The following PTPRD variants were observed in gnomAD, a reference collection of about 807,000 sequenced individuals.
PTPRD encodes receptor-type tyrosine-protein phosphatase delta.
A neutral mutation model predicts 214.5 loss-of-function variants in PTPRD; 34 were observed. That is an observed-to-expected ratio of 0.16 (90% confidence interval 0.12 to 0.21). The LOEUF is 0.21. Ranked by LOEUF, PTPRD falls within the 10% of genes least tolerant of loss-of-function variation. The probability of loss-of-function intolerance (pLI) is 1.00; values close to 1 mark genes in which losing one functional copy is unlikely to be tolerated. For missense variants in PTPRD, 2,545 were observed against 2,398.7 expected, an observed-to-expected ratio of 1.06 and a Z score of -1.27; for synonymous variants, 1,128 against 845.7, an observed-to-expected ratio of 1.33 and a Z score of -5.79.
At chr9:9,854,079 G>A (rs546638552) in intron 5 of PTPRD, among the ~76,000 whole-genome samples, 32 of 152,064 alleles carry the variant, frequency 2.1e-4, no homozygotes, top group Admixed American at 2.0e-4. Context: ...CCATGCAACA[G>A]AACATCACCA....
At chr9:9,230,013 T>C (rs149300511) in intron 9 of PTPRD, among the ~76,000 whole-genome samples, 16 of 152,318 alleles carry the variant, frequency 1.1e-4, no homozygotes, top group African/African-American at 3.6e-4. Flanking sequence ...ATTACTTAAG[T>C]AATAGCAATA....
intron 44 of PTPRD, among the ~76,000 whole-genome samples, chr9:8,321,938 G>C (rs562763117): frequency 6.6e-6 from 1 of 152,012 alleles, no homozygotes; most frequent in South Asian, 2.1e-4. Flanking sequence ...CACATACTTG[G>C]TTTGTGTCTC....
intron 11 of PTPRD, among the ~76,000 whole-genome samples, chr9:8,815,813 TG>T (rs2096908417): frequency 6.6e-6 from 1 of 152,122 alleles, no homozygotes. Context: ...GGGGTGAAAA[TG>T]AAAAAATGCA....
At chr9:9,586,278 T>C (rs760885222) in intron 7 of PTPRD, among the ~76,000 whole-genome samples, 1 of 152,074 alleles carries the variant, frequency 6.6e-6, no homozygotes, top group African/African-American at 2.4e-5. Context: ...TGAGATCAGA[T>C]TGTCTCATCC....
chr9:8,772,570 G>C (rs1019196099), intron 11 of PTPRD, among the ~76,000 whole-genome samples: 5 of 151,998 alleles, frequency 3.3e-5, no homozygotes, highest in Admixed American at 1.3e-4. Flanking sequence ...TTGAGCCCAG[G>C]AGTTTGAGGA....
intron 3 of PTPRD, among the ~76,000 whole-genome samples, chr9:10,180,441 A>C (rs1350318736): frequency 6.6e-6 from 1 of 151,990 alleles, no homozygotes; most frequent in East Asian, 1.9e-4. Flanking sequence ...TAAATGTGAA[A>C]ACTTAAATAA....
intron 9 of PTPRD, among the ~76,000 whole-genome samples, chr9:9,277,000 C>T (rs1945903984): frequency 6.6e-6 from 1 of 151,140 alleles, no homozygotes; most frequent in South Asian, 2.1e-4. Context: ...TTACCAAATC[C>T]AAGAAAAGTA....
At chr9:9,186,612 CT>C (rs2099931673) in intron 9 of PTPRD, among the ~76,000 whole-genome samples, 3 of 138,312 alleles carry the variant, frequency 2.2e-5, no homozygotes, top group Non-Finnish European at 4.6e-5. Flanking sequence ...CTCTGTCTCT[CT>C]CTCTCTCTCT....
chr9:8,634,238 C>T (rs569483513), intron 13 of PTPRD, among the ~76,000 whole-genome samples: 4 of 146,990 alleles, frequency 2.7e-5, no homozygotes, highest in Non-Finnish European at 4.5e-5. Flanking sequence ...TCAAGTACCA[C>T]TTAAAAAAAA....
At chr9:9,481,474 T>C (rs759734793) in intron 8 of PTPRD, among the ~76,000 whole-genome samples, 1 of 152,184 alleles carries the variant, frequency 6.6e-6, no homozygotes, top group Admixed American at 6.6e-5. Context: ...TCAGACACAG[T>C]AGGTAGGACT....
At chr9:9,212,261 C>T (rs1399968747) in intron 9 of PTPRD, among the ~76,000 whole-genome samples, 1 of 152,034 alleles carries the variant, frequency 6.6e-6, no homozygotes, top group African/African-American at 2.4e-5. Flanking sequence ...TTGACAACAG[C>T]CTTAAATTAT....
intron 7 of PTPRD, among the ~76,000 whole-genome samples, chr9:9,695,089 C>G (rs899467116): frequency 2.8e-4 from 42 of 152,194 alleles, no homozygotes; most frequent in Admixed American, 2.7e-3. Flanking sequence ...ACATTCAACA[C>G]ATTTCAGAGC....
intron 3 of PTPRD, among the ~76,000 whole-genome samples, chr9:10,073,364 A>T (rs1245549773): frequency 6.6e-6 from 1 of 152,086 alleles, no homozygotes; most frequent in Non-Finnish European, 1.5e-5. Flanking sequence ...AACTAAAAGC[A>T]AAGGAAATTT....
intron 11 of PTPRD, among the ~76,000 whole-genome samples, chr9:8,834,919 C>T (rs896093889): frequency 1.3e-5 from 2 of 152,202 alleles, no homozygotes; most frequent in African/African-American, 2.4e-5. Context: ...TAGTGAGTAA[C>T]TCCTGGGGTT....
chr9:9,932,892 T>C lies in PTPRD; in HGVS notation c.-368+5615A>G, dbSNP rs944859664. ...ACAGCAGATCTCTCGGCAGAAACCC[T>C]ACCAGCCAGAAAAGAGTGGGGGCCA... On this transcript the variant is annotated intron_variant, in intron 5 of 45. Coordinates refer to ENST00000381196, the MANE Select transcript of PTPRD (RefSeq NM_002839.4). Among the ~76,000 whole-genome samples, 11 of 133,582 alleles carry C rather than the reference T, an allele frequency of 8.2e-5. 1 individual carries two copies. The highest frequency in any genetic ancestry group is 1.8e-4 in the Non-Finnish European group (11 of 60,248). The allele number at this position is 133,582 out of a possible 152,430, so 87.6% of individuals were successfully genotyped here.
At chr9:9,846,076 G>A (rs558274279) in intron 5 of PTPRD, among the ~76,000 whole-genome samples, 2 of 152,092 alleles carry the variant, frequency 1.3e-5, no homozygotes, top group Non-Finnish European at 2.9e-5. Flanking sequence ...GGCATGGAAA[G>A]TAACTTTCTA....
intron 6 of PTPRD, among the ~76,000 whole-genome samples, chr9:9,765,781 C>A (rs895817036): frequency 6.6e-6 from 1 of 152,164 alleles, no homozygotes; most frequent in Non-Finnish European, 1.5e-5. Context: ...CTGCCACTGC[C>A]TCCTGAGTAG....
chr9:10,362,333 GA>G lies in PTPRD; in HGVS notation c.-599-21317del, dbSNP rs1466021692. 7.6e-5 allele frequency among the ~76,000 whole-genome samples: 8 copies of G among 105,258 alleles called. No homozygotes were observed. The East Asian group carries it at 1.4e-3, about 19-fold the overall frequency. The allele number at this position is 105,258 out of a possible 152,430, so 69.1% of individuals were successfully genotyped here. ...ATCTTCACAACAATCCTCTGACAGA[GA>G]AATTTTTTTTTTTTTTTTTTTCAGA... On this transcript the variant is annotated intron_variant, in intron 2 of 45. Coordinates refer to ENST00000381196, the MANE Select transcript of PTPRD (RefSeq NM_002839.4).
At chr9:8,431,478 T>C (rs1181451495) in intron 35 of PTPRD, among the ~76,000 whole-genome samples, 1 of 152,220 alleles carries the variant, frequency 6.6e-6, no homozygotes, top group Non-Finnish European at 1.5e-5. Context: ...CTGTATTTCC[T>C]TGAGAATTTC....
Sources: gnomAD v4.1 joint callset for allele counts (sites outside exome capture counted in the v4.1 genomes callset) on GRCh38, gnomAD v4.1.1 for gene constraint, MANE v1.5 for transcripts, NCBI Gene and HGNC (gene_info 2026-07-23, HGNC 2026-07-21) for gene names.